Variants in ITSN2 observed in about 807,000 individuals in gnomAD.
ITSN2 encodes intersectin 2.
Under a neutral mutation model 243.7 loss-of-function variants are expected in ITSN2, and 156 were observed. That is an observed-to-expected ratio of 0.64 (90% CI 0.56 to 0.73). The LOEUF is 0.73. Among genes scored for constraint, ITSN2 ranks in the 30% least tolerant of loss-of-function variants. The pLI, the probability that ITSN2 is intolerant of heterozygous loss-of-function variation, is 0.00. For synonymous variants in ITSN2, 703 were observed against 699.9 expected, an observed-to-expected ratio of 1.00 and a Z score of -0.07; for missense variants, 1,801 against 1,996.1, an observed-to-expected ratio of 0.90 and a Z score of 1.86.
At chr2:24,293,198 T>C (rs1296226010) in intron 15 of ITSN2, 1 of 152,214 alleles carries the variant, frequency 6.6e-6, no homozygotes, top group Non-Finnish European at 1.5e-5. Flanking sequence ...GATGGTAAAA[T>C]TCTTTGTATG....
intron 37 of ITSN2, among the ~76,000 whole-genome samples, chr2:24,206,831 G>A (rs528119026): frequency 2.2e-4 from 34 of 152,266 alleles, no homozygotes; most frequent in African/African-American, 7.9e-4. Flanking sequence ...TCAGGACAGC[G>A]GGGGGTCCAG....
chr2:24,335,533 T>G (rs921870226), intron 1 of ITSN2, among the ~76,000 whole-genome samples: 2 of 152,118 alleles, frequency 1.3e-5, no homozygotes, highest in African/African-American at 2.4e-5. Flanking sequence ...GCGGCCTCAC[T>G]ACATTTCCCA....
At chr2:24,234,290 A>AAG (rs1553348731) in intron 29 of ITSN2, among the ~76,000 whole-genome samples, 1 of 151,942 alleles carries the variant, frequency 6.6e-6, no homozygotes, top group Non-Finnish European at 1.5e-5. Context: ...AAAAAAAAAA[A>AAG]GAAATTGTCT....
intron 24 of ITSN2, 55 bp downstream of exon 24, chr2:24,254,312 G>T: frequency 9.0e-7 from 1 of 1,112,936 alleles, no homozygotes; most frequent in Middle Eastern, 2.0e-4. Flanking sequence ...AAGTCAGGTA[G>T]TTAGTCAAGA....
At chr2:24,294,857 G>C (rs1273998762) in intron 14 of ITSN2, among the ~76,000 whole-genome samples, 1 of 152,140 alleles carries the variant, frequency 6.6e-6, no homozygotes, top group Non-Finnish European at 1.5e-5. Flanking sequence ...CCACACTCAT[G>C]AATGAGATGA....
chr2:24,293,665 T>A (rs779775923), intron 15 of ITSN2, 23 bp downstream of exon 15: 2 of 794,074 alleles, frequency 2.5e-6, no homozygotes, highest in Non-Finnish European at 4.1e-6. Flanking sequence ...ATAAAAGTAA[T>A]CAGACAAACC....
intron 36 of ITSN2, 146 bp downstream of exon 36, chr2:24,208,954 G>A (rs1669206747): frequency 3.7e-6 from 3 of 815,380 alleles, no homozygotes; most frequent in East Asian, 2.7e-5. Context: ...CCTACCATGG[G>A]ACTGGAGCAG....
chr2:24,228,594 A>G (rs975776486), intron 29 of ITSN2, among the ~76,000 whole-genome samples: 8 of 152,230 alleles, frequency 5.3e-5, no homozygotes, highest in African/African-American at 1.7e-4. Flanking sequence ...GAAGGAAGAG[A>G]TATTGATCAA....
intron 1 of ITSN2, among the ~76,000 whole-genome samples, chr2:24,340,872 A>G (rs1686983018): frequency 6.6e-6 from 1 of 152,124 alleles, no homozygotes; most frequent in African/African-American, 2.4e-5. Context: ...AGTACATATA[A>G]AAAAATATAT....
At chr2:24,291,865 G>A (rs556990445) in intron 15 of ITSN2, among the ~76,000 whole-genome samples, 57 of 152,078 alleles carry the variant, frequency 3.7e-4, no homozygotes, top group Non-Finnish European at 6.5e-4. Flanking sequence ...ACATATATGA[G>A]CACTATGTTG....
intron 2 of ITSN2, among the ~76,000 whole-genome samples, chr2:24,325,362 T>C (rs1449815100): frequency 1.3e-5 from 2 of 152,124 alleles, no homozygotes; most frequent in East Asian, 3.9e-4. Context: ...GTGAGCTGTG[T>C]TCATACCACT....
chr2:24,333,557 GT>G (rs1481163268), intron 1 of ITSN2, among the ~76,000 whole-genome samples: 1 of 152,190 alleles, frequency 6.6e-6, no homozygotes, highest in African/African-American at 2.4e-5. Flanking sequence ...TGTTAGTTAT[GT>G]ATGGTTTTTA....
In ITSN2 at chr2:24,301,132, C is replaced by T. The variant is rs773721565; in HGVS notation, c.1081+22G>A. On this transcript the variant is annotated intron_variant, in intron 11 of 39. Coordinates refer to ENST00000355123, the MANE Select transcript of ITSN2 (RefSeq NM_006277.3). ...TTTAAAAGAACTCAGTATAAATATA[C>T]AACTTTGACACTCAGTGATACCTGG... is the stretch of plus-strand genomic sequence containing the variant. The T allele has an allele frequency of 5.2e-6, 7 of 1,358,116 alleles. No homozygotes were observed. In the East Asian group the frequency reaches 6.9e-5, roughly 13 times the overall value. The allele number at this position is 1,358,116 out of a possible 1,614,324, so 84.1% of individuals were successfully genotyped here. A position where few individuals can be genotyped will look rare whatever the true frequency, so the allele number is the denominator to read the frequency against.
intron 1 of ITSN2, among the ~76,000 whole-genome samples, chr2:24,353,509 T>C (rs1326687907): frequency 5.3e-5 from 8 of 151,218 alleles, no homozygotes; most frequent in Admixed American, 4.6e-4. Context: ...GAGAAGGAGG[T>C]TGCAGTGAGC....
At chr2:24,283,139 A>T (rs1230316599) in intron 17 of ITSN2, among the ~76,000 whole-genome samples, 1 of 152,004 alleles carries the variant, frequency 6.6e-6, no homozygotes, top group Non-Finnish European at 1.5e-5. Context: ...ACTGCAATCC[A>T]GCTTCTGCTT....
At position 24,271,895 on chromosome 2, in the gene ITSN2, T is replaced by G; in HGVS notation, c.2128A>C (p.Lys710Gln). The G allele has an allele frequency of 1.9e-6, 3 of 1,560,370 alleles. No individual in the cohort carries two copies. Among genetic ancestry groups the G allele is most frequent in the Non-Finnish European group, 2.6e-6 (3 of 1,144,922 alleles). Residue 710 changes from lysine to glutamine, a missense_variant, in exon 19 of 40, where the codon AAG (lysine) becomes CAG (glutamine). Around this residue, in one of 5 missense-constraint regions of ITSN2, gnomAD observed 787 missense variants for 803.9 expected, o/e 0.98. Coordinates refer to ENST00000355123, the MANE Select transcript of ITSN2 (RefSeq NM_006277.3). ...CGCTTTTGTTTTTCTTCTTCCTCCT[T>G]TCTAAGATTTTCTTTCCATAAGTTT... The part of the protein sequence containing the change: ...KENLWKENLR[K>Q]EEEEKQKRLQ...
chr2:24,271,152 G>T (rs898379201), intron 19 of ITSN2, among the ~76,000 whole-genome samples: 1 of 151,784 alleles, frequency 6.6e-6, no homozygotes, highest in Admixed American at 6.6e-5. Context: ...CAAAAAGGGG[G>T]GTCTCAAAAG....
intron 2 of ITSN2, among the ~76,000 whole-genome samples, chr2:24,325,023 GAATAATTTTTAAGT>G (rs1685007152): frequency 6.6e-6 from 1 of 151,768 alleles, no homozygotes; most frequent in African/African-American, 2.4e-5. Context: ...TTTTAACAAG[GAATAATTTTTAAGT>G]AGTGTTCAAA....
intron 37 of ITSN2, among the ~76,000 whole-genome samples, chr2:24,206,960 T>A (rs191585255): frequency 1.1e-3 from 174 of 151,508 alleles, no homozygotes; most frequent in Admixed American, 3.6e-3. Flanking sequence ...GAGGGGGAGC[T>A]CACATGGGAA....
Sources: allele counts gnomAD v4.1 joint callset (sites outside exome capture counted in the v4.1 genomes callset), GRCh38; gene constraint gnomAD v4.1.1; regional missense constraint gnomAD v4.1.1; transcripts MANE v1.5; gene names NCBI Gene and HGNC (gene_info 2026-07-23, HGNC 2026-07-21).